Variants in SNTG2 observed in about 807,000 individuals in gnomAD.
The protein encoded by SNTG2 is gamma-2-syntrophin.
SNTG2 carries 74 observed loss-of-function variants against 70.9 expected under a neutral mutation model. That is an observed-to-expected ratio of 1.04 (90% CI 0.86 to 1.27). The LOEUF is 1.27. Among genes scored for constraint, SNTG2 ranks in the 50% most tolerant of loss-of-function variants. The pLI is 0.00. For missense variants in SNTG2, 717 were observed against 690.7 expected, an observed-to-expected ratio of 1.04 and a Z score of -0.43; for synonymous variants, 278 against 273.8, an observed-to-expected ratio of 1.02 and a Z score of -0.15.
At chr2:1,038,481 A>G (rs1661255645) in intron 1 of SNTG2, among the ~76,000 whole-genome samples, 1 of 152,194 alleles carries the variant, frequency 6.6e-6, no homozygotes, top group Non-Finnish European at 1.5e-5. Flanking sequence ...CCTTCCTTGA[A>G]GTCATAGCCC....
At chr2:982,504 TC>T (rs1383218695) in intron 1 of SNTG2, among the ~76,000 whole-genome samples, 1 of 152,186 alleles carries the variant, frequency 6.6e-6, no homozygotes, top group African/African-American at 2.4e-5. Context: ...TTTTTTGTGT[TC>T]CTGTTCCCTC....
At chr2:1,349,994 A>G (rs1660492840) in intron 16 of SNTG2, among the ~76,000 whole-genome samples, 2 of 152,214 alleles carry the variant, frequency 1.3e-5, no homozygotes, top group South Asian at 4.1e-4. Flanking sequence ...TGGAGGGGAT[A>G]ACAACTTATA....
chr2:1,346,535 G>C (rs1185442345), intron 16 of SNTG2: 1 of 152,352 alleles, frequency 6.6e-6, no homozygotes, highest in African/African-American at 2.4e-5. Context: ...GGAGGGGCAA[G>C]CTCCCTCCAA....
intron 7 of SNTG2, among the ~76,000 whole-genome samples, chr2:1,168,356 A>G (rs997326470): frequency 6.6e-6 from 1 of 152,150 alleles, no homozygotes; most frequent in African/African-American, 2.4e-5. Context: ...AGCGCCCTGG[A>G]ACACACTCCC....
intron 14 of SNTG2, among the ~76,000 whole-genome samples, chr2:1,287,127 C>T (rs12999684): frequency 0.025 from 3,799 of 152,264 alleles, 65 homozygotes; most frequent in East Asian, 0.049. Context: ...CTTTTCCCGC[C>T]GAGGAGTCAC....
At chr2:1,059,425 C>G (rs1486619826) in intron 1 of SNTG2, 1 of 151,932 alleles carries the variant, frequency 6.6e-6, no homozygotes, top group Non-Finnish European at 1.5e-5. Context: ...GATGATGAAG[C>G]TTCTACAATG....
At chr2:1,072,973 G>A (rs1007333608) in intron 1 of SNTG2, among the ~76,000 whole-genome samples, 7 of 152,214 alleles carry the variant, frequency 4.6e-5, no homozygotes, top group Non-Finnish European at 1.0e-4. Flanking sequence ...CGCAGAGCCT[G>A]CAGATGTGAC....
intron 1 of SNTG2, among the ~76,000 whole-genome samples, chr2:956,202 ACTGCCC>A (rs1222671885): frequency 1.7e-4 from 3 of 17,510 alleles, no homozygotes; most frequent in African/African-American, 4.8e-4. Context: ...CTGCCCTGCC[ACTGCCC>A]CTGCCCCTGC....
chr2:961,745 T>C (rs990698959), intron 1 of SNTG2, among the ~76,000 whole-genome samples: 1 of 152,224 alleles, frequency 6.6e-6, no homozygotes, highest in African/African-American at 2.4e-5. Flanking sequence ...AGCCTGTTTG[T>C]CTCCGTGCTG....
rs538360971 is a variant in SNTG2 at position 1,336,204 on chromosome 2, C to T, written c.1488+19829C>T. 2.2e-3 allele frequency among the ~76,000 whole-genome samples: 333 copies of T among 152,298 alleles called. 1 individual carries two copies. Among genetic ancestry groups the T allele is most frequent in the South Asian group, 7.3e-3 (35 of 4,820 alleles). On this transcript the variant is annotated intron_variant, in intron 16 of 16. Coordinates refer to ENST00000308624, the MANE Select transcript of SNTG2 (RefSeq NM_018968.4). Reference sequence around the variant, plus strand: ...GTCAATTTCCAATTCTCCCCACTCTCTCTGTGCTTAGTGACACTGAACATT... The same window carrying T: ...GTCAATTTCCAATTCTCCCCACTCTTTCTGTGCTTAGTGACACTGAACATT...
At chr2:1,211,624 T>A (rs978965473) in intron 9 of SNTG2, among the ~76,000 whole-genome samples, 1 of 152,170 alleles carries the variant, frequency 6.6e-6, no homozygotes, top group East Asian at 1.9e-4. Context: ...AAGGCATGTC[T>A]TACATGGCGG....
intron 8 of SNTG2, among the ~76,000 whole-genome samples, chr2:1,202,027 T>C (rs1673306205): frequency 6.6e-6 from 1 of 151,326 alleles, no homozygotes. Context: ...TGAGAGAAAA[T>C]GTTGCCAGTA....
chr2:1,243,770 C>T (rs142832078), intron 11 of SNTG2, among the ~76,000 whole-genome samples: 5 of 152,280 alleles, frequency 3.3e-5, no homozygotes, highest in East Asian at 1.9e-4. Flanking sequence ...TATGTGAACA[C>T]GTGATTTAAA....
At chr2:1,162,383 T>C (rs1670376035) in intron 6 of SNTG2, among the ~76,000 whole-genome samples, 1 of 152,212 alleles carries the variant, frequency 6.6e-6, no homozygotes, top group South Asian at 2.1e-4. Context: ...GTGTGTGGCC[T>C]GGTCCTTTGG....
At chr2:1,058,873 A>T (rs1662632522) in intron 1 of SNTG2, among the ~76,000 whole-genome samples, 1 of 152,170 alleles carries the variant, frequency 6.6e-6, no homozygotes, top group East Asian at 1.9e-4. Context: ...GCCCTCCTTG[A>T]AGGCTCTCAT....
intron 1 of SNTG2, among the ~76,000 whole-genome samples, chr2:1,019,352 C>T (rs1017390621): frequency 6.6e-6 from 1 of 152,162 alleles, no homozygotes; most frequent in African/African-American, 2.4e-5. Flanking sequence ...ACTGGCGTTT[C>T]CTGATTCACG....
intron 16 of SNTG2, among the ~76,000 whole-genome samples, chr2:1,334,246 G>A (rs1162723351): frequency 6.6e-6 from 1 of 151,992 alleles, no homozygotes; most frequent in East Asian, 1.9e-4. Context: ...CAACATATAA[G>A]CTACCTTACT....
intron 6 of SNTG2, among the ~76,000 whole-genome samples, chr2:1,156,002 A>C (rs1264625298): frequency 1.3e-5 from 2 of 152,188 alleles, no homozygotes; most frequent in East Asian, 1.9e-4. Context: ...CCAGGCCAGG[A>C]CACCGCAGAC....
At chr2:1,122,923 AAGAAATCAAAAC>A (rs1431490004) in intron 4 of SNTG2, among the ~76,000 whole-genome samples, 1 of 113,424 alleles carries the variant, frequency 8.8e-6, no homozygotes, top group Admixed American at 9.1e-5. Flanking sequence ...ATAGCTGAAA[AAGAAATCAAAAC>A]AATCCCATTT....
Sources: gnomAD v4.1 joint callset for allele counts (sites outside exome capture counted in the v4.1 genomes callset) on GRCh38, gnomAD v4.1.1 for gene constraint, MANE v1.5 for transcripts, NCBI Gene and HGNC (gene_info 2026-07-23, HGNC 2026-07-21) for gene names.